The following MBD5 variants were observed in gnomAD, a reference collection of about 807,000 sequenced individuals.
MBD5 encodes methyl-CpG-binding domain protein 5.
Under a neutral mutation model 117.3 loss-of-function variants are expected in MBD5, and 13 were observed. That is an observed-to-expected ratio of 0.11 (90% CI 0.07 to 0.18). The LOEUF (loss-of-function observed/expected upper bound fraction) is 0.18, where lower values mean the gene tolerates loss of function less well. Among genes scored for constraint, MBD5 ranks in the 10% least tolerant of loss-of-function variants. The pLI, the probability that MBD5 is intolerant of heterozygous loss-of-function variation, is 1.00. For synonymous variants in MBD5, 727 were observed against 766.4 expected, an observed-to-expected ratio of 0.95 and a Z score of 0.85; for missense variants, 1,879 against 2,093.8, an observed-to-expected ratio of 0.90 and a Z score of 2.00.
At chr2:148,151,882 C>A (rs1697682176) in intron 1 of MBD5, among the ~76,000 whole-genome samples, 1 of 151,960 alleles carries the variant, frequency 6.6e-6, no homozygotes, top group African/African-American at 2.4e-5. Flanking sequence ...TTGATCCTTT[C>A]AAAAAACCAG....
chr2:148,151,566 G>A (rs977430943), intron 1 of MBD5, among the ~76,000 whole-genome samples: 4 of 152,134 alleles, frequency 2.6e-5, no homozygotes, highest in South Asian at 2.1e-4. Context: ...GAATCCATCT[G>A]GTCCTAGACT....
At chr2:148,093,671 G>A (rs184015427) in intron 1 of MBD5, among the ~76,000 whole-genome samples, 60 of 152,058 alleles carry the variant, frequency 3.9e-4, no homozygotes, top group African/African-American at 1.4e-3. Flanking sequence ...TAAAATACAT[G>A]CTCATTATTA....
At chr2:148,031,073 GATATA>G (rs1405669991) in intron 1 of MBD5, among the ~76,000 whole-genome samples, 2 of 152,118 alleles carry the variant, frequency 1.3e-5, no homozygotes, top group Admixed American at 6.5e-5. Flanking sequence ...TCTGAGATAA[GATATA>G]ATATATGGGA....
chr2:148,381,690 G>A (rs1196800339), intron 4 of MBD5, among the ~76,000 whole-genome samples: 3 of 152,184 alleles, frequency 2.0e-5, no homozygotes, highest in Non-Finnish European at 4.4e-5. Context: ...AGGAAAAAAT[G>A]TTAAGGGCAG....
rs898772098 is a variant in MBD5, at chr2:148,139,249, C to T, written c.-924-39451C>T. ...GAAACAGAGTTTCGCTCTTACTGCC[C>T]AGGCTGGAGTGCAGTGACGCAATCT... On this transcript the variant is annotated intron_variant, in intron 1 of 13. Coordinates refer to ENST00000642680, the MANE Select transcript of MBD5 (RefSeq NM_001378120.1). 2.0e-5 allele frequency among the ~76,000 whole-genome samples: 3 copies of T among 152,174 alleles called. No homozygotes were observed. The East Asian group carries it at 5.8e-4, about 30-fold the overall frequency.
intron 4 of MBD5, among the ~76,000 whole-genome samples, chr2:148,452,158 A>G (rs1706747688): frequency 6.6e-6 from 1 of 152,160 alleles, no homozygotes; most frequent in African/African-American, 2.4e-5. Flanking sequence ...CTATTTACTT[A>G]TTTTCATGAT....
At chr2:148,130,718 A>G (rs1433704508) in intron 1 of MBD5, among the ~76,000 whole-genome samples, 1 of 152,182 alleles carries the variant, frequency 6.6e-6, no homozygotes, top group Non-Finnish European at 1.5e-5. Context: ...TGAGTCACCA[A>G]TCAAAAGTCC....
At chr2:148,205,009 C>T (rs1469282135) in intron 2 of MBD5, among the ~76,000 whole-genome samples, 1 of 151,902 alleles carries the variant, frequency 6.6e-6, no homozygotes, top group Non-Finnish European at 1.5e-5. Flanking sequence ...AATATATTCC[C>T]TAAAAATATA....
intron 2 of MBD5, among the ~76,000 whole-genome samples, chr2:148,228,418 G>C (rs1699893403): frequency 6.6e-6 from 1 of 152,166 alleles, no homozygotes; most frequent in Non-Finnish European, 1.5e-5. Flanking sequence ...TACGTTTATT[G>C]ATTTTCGTAT....
chr2:148,204,654 A>C (rs1444491975), intron 2 of MBD5, among the ~76,000 whole-genome samples: 1 of 152,224 alleles, frequency 6.6e-6, no homozygotes, highest in Non-Finnish European at 1.5e-5. Context: ...ACCAGTTGCC[A>C]GTGGAGTAAC....
chr2:148,333,003 T>C (rs556305763), intron 3 of MBD5, among the ~76,000 whole-genome samples: 2 of 152,272 alleles, frequency 1.3e-5, no homozygotes, highest in East Asian at 1.9e-4. Context: ...ATCTGACCTT[T>C]CTATTGAGTT....
intron 3 of MBD5, among the ~76,000 whole-genome samples, chr2:148,259,188 C>T (rs1454910293): frequency 6.6e-6 from 1 of 152,148 alleles, no homozygotes; most frequent in Non-Finnish European, 1.5e-5. Context: ...CTGCCCATAG[C>T]CACTCAATCA....
At chr2:148,289,103 C>T (rs1300915602) in intron 3 of MBD5, among the ~76,000 whole-genome samples, 1 of 152,160 alleles carries the variant, frequency 6.6e-6, no homozygotes, top group Non-Finnish European at 1.5e-5. Flanking sequence ...AAACTATAAG[C>T]TTCATTCATT....
At chr2:148,481,621 G>A (rs1046260399) in intron 8 of MBD5, 3 of 152,046 alleles carry the variant, frequency 2.0e-5, no homozygotes, top group African/African-American at 7.2e-5. Flanking sequence ...TTACAACAGG[G>A]AAAGACTATT....
chr2:148,051,604 AGTGTGTGTGTGTGTGTGTGTGTGT>A (rs59584574), intron 1 of MBD5, among the ~76,000 whole-genome samples: 7 of 139,234 alleles, frequency 5.0e-5, no homozygotes, highest in South Asian at 4.8e-4. Flanking sequence ...CTGTTTGTTG[AGTGTGTGTGTGTGTGTGTGTGTGT>A]GTGTGTGTGT....
chr2:148,031,264 C>T (rs1443388938), intron 1 of MBD5, among the ~76,000 whole-genome samples: 2 of 151,954 alleles, frequency 1.3e-5, no homozygotes, highest in African/African-American at 4.8e-5. Flanking sequence ...TTTTAAGTGA[C>T]TGAAACATGT....
At chr2:148,431,046 T>C (rs1170574442) in intron 4 of MBD5, among the ~76,000 whole-genome samples, 1 of 152,114 alleles carries the variant, frequency 6.6e-6, no homozygotes, top group Non-Finnish European at 1.5e-5. Flanking sequence ...AACACTTTCC[T>C]TTCTTCCCCC....
chr2:148,312,666 T>C (rs544723976), intron 3 of MBD5, among the ~76,000 whole-genome samples: 41 of 152,350 alleles, frequency 2.7e-4, no homozygotes, highest in African/African-American at 9.9e-4. Flanking sequence ...TTTGTCAGAC[T>C]TGTTCTCTGT....
chr2:148,423,600 C>A (rs1245174168), intron 4 of MBD5, among the ~76,000 whole-genome samples: 1 of 152,204 alleles, frequency 6.6e-6, no homozygotes, highest in Middle Eastern at 3.4e-3. Flanking sequence ...AAAAACATAC[C>A]AAATTGTAAA....
Sources: gnomAD v4.1 joint callset for allele counts (sites outside exome capture counted in the v4.1 genomes callset) on GRCh38, gnomAD v4.1.1 for gene constraint, MANE v1.5 for transcripts, NCBI Gene and HGNC (gene_info 2026-07-23, HGNC 2026-07-21) for gene names.